Variants in ZFAT observed in about 807,000 individuals in gnomAD.
ZFAT encodes zinc finger protein ZFAT.
A neutral mutation model predicts 117.7 loss-of-function variants in ZFAT; 64 were observed. The observed-to-expected ratio is 0.54, with a 90% CI of 0.44 to 0.67. ZFAT has a LOEUF of 0.67. Ranked by LOEUF, ZFAT falls within the 30% of genes least tolerant of loss-of-function variation. The pLI is 0.00. For synonymous variants in ZFAT, 679 were observed against 615.0 expected (o/e 1.10, Z -1.54); for missense variants, 1,433 against 1,584.5 (o/e 0.90, Z 1.62).
chr8:134,610,300 C>T (rs565548206), intron 4 of ZFAT, among the ~76,000 whole-genome samples, 170 bp downstream of exon 4: 1 of 152,330 alleles, frequency 6.6e-6, no homozygotes, highest in Admixed American at 6.5e-5. Context: ...CCATTAACCA[C>T]AACACCTGGG....
chr8:134,748,342 A>G, the ZFAT span, among the ~76,000 whole-genome samples: 8 of 152,334 alleles, frequency 5.3e-5, no homozygotes, highest in South Asian at 6.2e-4. Flanking sequence ...TTTGTTTTAC[A>G]TGGTTCTAGA....
intron 10 of ZFAT, among the ~76,000 whole-genome samples, chr8:134,569,151 G>A (rs377024254): frequency 2.0e-5 from 3 of 152,250 alleles, no homozygotes; most frequent in South Asian, 2.1e-4. Context: ...GGGGCATGAC[G>A]TGTAAAATCT....
chr8:134,588,605 A>G (rs1253377516), intron 8 of ZFAT, among the ~76,000 whole-genome samples: 1 of 152,250 alleles, frequency 6.6e-6, no homozygotes, highest in East Asian at 1.9e-4. Flanking sequence ...GGAATGGAGA[A>G]GCAACATCAC....
chr8:134,751,861 A>AAGAG, the ZFAT span, among the ~76,000 whole-genome samples: 1 of 152,340 alleles, frequency 6.6e-6, no homozygotes, highest in South Asian at 2.1e-4. Context: ...AAGCTGATTC[A>AAGAG]TTCAAAGCCC....
intron 11 of ZFAT, among the ~76,000 whole-genome samples, chr8:134,547,578 T>C (rs983673473): frequency 5.3e-5 from 8 of 152,236 alleles, no homozygotes; most frequent in African/African-American, 1.4e-4. Flanking sequence ...AGATTTATTA[T>C]AACTGCATTT....
At chr8:134,483,030 G>A (rs1817425774) in intron 15 of ZFAT, among the ~76,000 whole-genome samples, 1 of 152,168 alleles carries the variant, frequency 6.6e-6, no homozygotes, top group South Asian at 2.1e-4. Context: ...GAGGGAGAGT[G>A]GGTTGCTTTA....
At chr8:134,612,063 A>G (rs2130978029) in intron 3 of ZFAT, among the ~76,000 whole-genome samples, 1 of 152,356 alleles carries the variant, frequency 6.6e-6, no homozygotes, top group African/African-American at 2.4e-5. Context: ...TCCCTAAGTG[A>G]GGAGGAAATA....
chr8:134,664,093 G>T (rs11780312), intron 1 of ZFAT, among the ~76,000 whole-genome samples: 2 of 152,000 alleles, frequency 1.3e-5, no homozygotes, highest in Non-Finnish European at 2.9e-5. Context: ...TCATGGAAGG[G>T]GCTCCCAGAC....
At chr8:134,687,818 A>G (rs1833400132) in intron 1 of ZFAT, among the ~76,000 whole-genome samples, 1 of 152,196 alleles carries the variant, frequency 6.6e-6, no homozygotes, top group South Asian at 2.1e-4. Context: ...AGCAATGCCC[A>G]TCACCACCGC....
chr8:134,647,205 G>C (rs1333152666), intron 2 of ZFAT, among the ~76,000 whole-genome samples: 1 of 152,004 alleles, frequency 6.6e-6, no homozygotes, highest in Non-Finnish European at 1.5e-5. Flanking sequence ...AAGATGCAAG[G>C]CTGGTTCAAC....
chr8:134,804,580 G>C, the ZFAT span, among the ~76,000 whole-genome samples: 7 of 152,130 alleles, frequency 4.6e-5, no homozygotes, highest in African/African-American at 1.7e-4. Flanking sequence ...CAGCCTACTT[G>C]GAAAGGTTAT....
intron 1 of ZFAT, among the ~76,000 whole-genome samples, chr8:134,663,781 G>A (rs1832060721): frequency 6.6e-6 from 1 of 152,172 alleles, no homozygotes; most frequent in African/African-American, 2.4e-5. Flanking sequence ...TCTACAATGA[G>A]TCTAAATAAC....
chr8:134,685,870 C>T (rs1563762569), intron 1 of ZFAT, among the ~76,000 whole-genome samples: 1 of 152,186 alleles, frequency 6.6e-6, no homozygotes, highest in African/African-American at 2.4e-5. Context: ...TCCCCGTCAC[C>T]CCACTTAACC....
intron 1 of ZFAT, among the ~76,000 whole-genome samples, chr8:134,669,603 C>T (rs1013720454): frequency 1.3e-5 from 2 of 152,142 alleles, no homozygotes; most frequent in African/African-American, 4.8e-5. Context: ...CTGAAGGAAG[C>T]ACTAAACATA....
At chr8:134,735,556 T>A in the ZFAT span, among the ~76,000 whole-genome samples, 1 of 152,230 alleles carries the variant, frequency 6.6e-6, no homozygotes, top group South Asian at 2.1e-4. Context: ...ACTGGCTTTT[T>A]CTTAAGTAGG....
chr8:134,606,729 G>GAAAAAAAA (rs75459456), intron 5 of ZFAT, among the ~76,000 whole-genome samples: 1 of 47,914 alleles, frequency 2.1e-5, no homozygotes, highest in African/African-American at 6.0e-5. Context: ...CTCTGTCTCA[G>GAAAAAAAA]AAAAAAAAAA....
At chr8:134,736,281 T>C in the ZFAT span, among the ~76,000 whole-genome samples, 2 of 152,194 alleles carry the variant, frequency 1.3e-5, no homozygotes, top group Non-Finnish European at 2.9e-5. Context: ...TTCTTCCCTC[T>C]GCTGACTGGC....
chr8:134,600,258 ACT>A, intron 7 of ZFAT, 176 bp downstream of exon 7: 1 of 678,702 alleles, frequency 1.5e-6, no homozygotes, highest in Non-Finnish European at 2.6e-6. Flanking sequence ...CGTATTAGAG[ACT>A]CTTGCTGTGA....
chr8:134,766,788 C>G, the ZFAT span: 1 of 152,204 alleles, frequency 6.6e-6, no homozygotes, highest in African/African-American at 2.4e-5. Flanking sequence ...GCAACTTGCC[C>G]ACCATCACAC....
Sources: allele counts gnomAD v4.1 joint callset (sites outside exome capture counted in the v4.1 genomes callset), GRCh38; gene constraint gnomAD v4.1.1; transcripts MANE v1.5; gene names NCBI Gene and HGNC (gene_info 2026-07-23, HGNC 2026-07-21).